Variants in MYO3B observed in about 807,000 individuals in gnomAD.
The protein encoded by MYO3B is myosin IIIB, also known as myosin-IIIb.
In MYO3B, 156 loss-of-function variants were observed where a neutral mutation model predicts 174.6. The ratio of observed to expected loss-of-function variants is 0.89; its 90% CI spans 0.78 to 1.02. The LOEUF (loss-of-function observed/expected upper bound fraction) is 1.02, where lower values mean the gene tolerates loss of function less well. MYO3B is among the 50% of genes least tolerant of loss of function. MYO3B has a pLI of 0.00. For synonymous variants in MYO3B, 563 were observed against 569.1 expected, an observed-to-expected ratio of 0.99 and a Z score of 0.15; for missense variants, 1,632 against 1,639.4, an observed-to-expected ratio of 1.00 and a Z score of 0.08.
chr2:170,457,545 T>C (rs966223725), intron 23 of MYO3B, among the ~76,000 whole-genome samples: 1 of 152,180 alleles, frequency 6.6e-6, no homozygotes, highest in Non-Finnish European at 1.5e-5. Context: ...AGCCTAGGCC[T>C]ACACAGGCTC....
chr2:170,486,164 C>T (rs1006047823), intron 25 of MYO3B, among the ~76,000 whole-genome samples: 4 of 152,058 alleles, frequency 2.6e-5, no homozygotes, highest in African/African-American at 9.7e-5. Context: ...TTTTAAAGCC[C>T]CTAATAGATT....
chr2:170,623,841 C>A (rs1283557300), intron 32 of MYO3B, among the ~76,000 whole-genome samples: 1 of 152,144 alleles, frequency 6.6e-6, no homozygotes, highest in African/African-American at 2.4e-5. Flanking sequence ...ATCCTTTTCC[C>A]ATTTCTTGTT....
At position 170,515,011 on chromosome 2, in the gene MYO3B, G is replaced by A. The variant is rs575783025; in HGVS notation, c.3461G>A (p.Gly1154Asp). 73 of 1,613,968 alleles carry A rather than the reference G, an allele frequency of 4.5e-5. 1 individual carries two copies. The Admixed American group carries it at 1.0e-3, about 22-fold the overall frequency. The change falls in exon 29 of 35, where the codon GGT becomes GAT. Residue 1154 changes from glycine (G) to aspartate (D), a missense_variant. Transcript: ENST00000408978. ...SAEVQDCSEPGDHKVLRGSVH... is the reference protein window; with the variant it reads ...SAEVQDCSEPDDHKVLRGSVH... The stretch of plus-strand genomic sequence containing the variant: ...GAGGTTCAAGACTGCAGCGAGCCTG[G>A]TGACCATAAAGGTAGAGTCTTTCGA...
chr2:170,541,608 ATTTAAT>A (rs1315718586), intron 30 of MYO3B, among the ~76,000 whole-genome samples: 5 of 152,206 alleles, frequency 3.3e-5, no homozygotes, highest in African/African-American at 9.6e-5. Context: ...ATGATAGTTA[ATTTAAT>A]TTTAATAGTA....
At chr2:170,447,057 G>C (rs62170682) in intron 23 of MYO3B, among the ~76,000 whole-genome samples, 5 of 151,990 alleles carry the variant, frequency 3.3e-5, no homozygotes, top group African/African-American at 1.2e-4. Flanking sequence ...TGTCACATGA[G>C]GGTCTTCAGG....
chr2:170,235,883 A>C (rs903625643), intron 6 of MYO3B, 108 bp from the exon 7 acceptor site: 2 of 1,333,718 alleles, frequency 1.5e-6, no homozygotes, highest in Middle Eastern at 2.6e-4. Context: ...ATTCAATATC[A>C]TCGTGGCCAA....
At chr2:170,298,050 T>C (rs2093639744) in intron 7 of MYO3B, among the ~76,000 whole-genome samples, 2 of 152,196 alleles carry the variant, frequency 1.3e-5, no homozygotes, top group African/African-American at 4.8e-5. Flanking sequence ...ATGTGTATAT[T>C]TTTATATATG....
intron 23 of MYO3B, among the ~76,000 whole-genome samples, chr2:170,459,904 G>A (rs1229009329): frequency 1.3e-5 from 2 of 152,134 alleles, no homozygotes; most frequent in African/African-American, 4.8e-5. Flanking sequence ...CAGCGGCACT[G>A]GCCAGCCGCT....
intron 28 of MYO3B, among the ~76,000 whole-genome samples, chr2:170,503,834 C>A (rs1181159245): frequency 6.6e-6 from 1 of 152,160 alleles, no homozygotes; most frequent in East Asian, 1.9e-4. Context: ...AGAGCAAAGG[C>A]AGACAGCATC....
At chr2:170,524,609 G>A (rs565600932) in intron 30 of MYO3B, 27 of 380,268 alleles carry the variant, frequency 7.1e-5, no homozygotes, top group African/African-American at 1.5e-4. Flanking sequence ...TCAGCCTCCC[G>A]AGTAGCTGGG....
In MYO3B at chr2:170,489,402, T is replaced by A. The variant is rs1575063058; in HGVS notation, c.3015-9190T>A. Reference sequence around the variant, plus strand: ...ATTGGGGTGTCCTAGATCCCCAGTGTGCGGTGCAGAAGCCCCCAAATCTGT... The same window carrying A: ...ATTGGGGTGTCCTAGATCCCCAGTGAGCGGTGCAGAAGCCCCCAAATCTGT... On this transcript the variant is annotated intron_variant, in intron 25 of 34. Transcript: ENST00000408978. Among the ~76,000 whole-genome samples the A allele has an allele frequency of 2.0e-5, 3 of 152,106 alleles. No homozygotes were observed. In the South Asian group the frequency reaches 6.2e-4, roughly 32 times the overall value.
At chr2:170,440,725 C>T (rs1332122676) in intron 22 of MYO3B, among the ~76,000 whole-genome samples, 1 of 149,656 alleles carries the variant, frequency 6.7e-6, no homozygotes, top group African/African-American at 2.5e-5. Context: ...TGCACTTCAG[C>T]CAGGGCAACA....
chr2:170,453,409 T>TACACAC (rs35558091), intron 23 of MYO3B, among the ~76,000 whole-genome samples: 4,674 of 131,138 alleles, frequency 0.036, 153 homozygotes, highest in African/African-American at 0.078. Context: ...GTTTACCATT[T>TACACAC]ACACACACAC....
At chr2:170,180,950 C>A (rs1420363012) in intron 1 of MYO3B, among the ~76,000 whole-genome samples, 1 of 151,956 alleles carries the variant, frequency 6.6e-6, no homozygotes, top group East Asian at 1.9e-4. Flanking sequence ...TACCTTTTTT[C>A]TTTTTGGTGG....
At chr2:170,608,227 C>T (rs146716198) in intron 32 of MYO3B, among the ~76,000 whole-genome samples, 9 of 152,304 alleles carry the variant, frequency 5.9e-5, no homozygotes, top group East Asian at 3.9e-4. Flanking sequence ...TAGTTACAGA[C>T]GTCAGAATGG....
chr2:170,347,340 A>T (rs978430956), intron 8 of MYO3B, among the ~76,000 whole-genome samples: 2 of 152,136 alleles, frequency 1.3e-5, no homozygotes, highest in Non-Finnish European at 2.9e-5. Flanking sequence ...TGTGGATCAC[A>T]TCTGTAATCC....
In MYO3B at chr2:170,199,349, A is replaced by G. The variant is rs762960971; in HGVS notation, c.144A>G (p.Arg48=). ...YGKVYKVTNK[R]DGSLAAVKIL... Reference sequence around the variant, plus strand: ...AAGTCTACAAGGTAACTAACAAGAGAGATGGGAGCCTGGCTGCAGTGAAAA... The same window carrying G: ...AAGTCTACAAGGTAACTAACAAGAGGGATGGGAGCCTGGCTGCAGTGAAAA... Residue 48 remains arginine, a synonymous_variant, in exon 2 of 35, where the codon AGA becomes AGG. Coordinates refer to ENST00000408978, the MANE Select transcript of MYO3B (RefSeq NM_138995.5). The G allele has an allele frequency of 1.8e-5, 29 of 1,612,786 alleles. No individual in the cohort carries two copies. In the African/African-American group the frequency reaches 3.7e-4, roughly 21 times the overall value.
chr2:170,521,095 A>C (rs1688644429), intron 30 of MYO3B, among the ~76,000 whole-genome samples: 1 of 152,218 alleles, frequency 6.6e-6, no homozygotes, highest in South Asian at 2.1e-4. Flanking sequence ...TTACAATTTT[A>C]AACAAAATTT....
At chr2:170,233,251 A>G (rs1005510194) in intron 6 of MYO3B, among the ~76,000 whole-genome samples, 1 of 152,170 alleles carries the variant, frequency 6.6e-6, no homozygotes, top group African/African-American at 2.4e-5. Flanking sequence ...GGGCATTTAT[A>G]GTTGTCATGG....
Sources: allele counts gnomAD v4.1 joint callset (sites outside exome capture counted in the v4.1 genomes callset), GRCh38; gene constraint gnomAD v4.1.1; transcripts MANE v1.5; gene names NCBI Gene and HGNC (gene_info 2026-07-23, HGNC 2026-07-21).